Variants in POLQ observed in about 807,000 individuals in gnomAD.
POLQ encodes DNA polymerase theta, also known as epididymis secretory sperm binding protein.
A neutral mutation model predicts 259.2 loss-of-function variants in POLQ; 233 were observed. That is an observed-to-expected ratio of 0.90 (90% CI 0.81 to 1.00). The LOEUF is 1.00. Ranked by LOEUF, POLQ falls within the 50% of genes least tolerant of loss-of-function variation. The probability of loss-of-function intolerance (pLI) is 0.00; values close to 1 mark genes in which losing one functional copy is unlikely to be tolerated. For missense variants in POLQ, 2,871 were observed against 3,051.6 expected (o/e 0.94, Z 1.39); for synonymous variants, 1,025 against 1,048.8 (o/e 0.98, Z 0.44).
At chr3:121,463,216 G>A (rs902445807) in intron 24 of POLQ, among the ~76,000 whole-genome samples, 7 of 152,130 alleles carry the variant, frequency 4.6e-5, no homozygotes, top group Non-Finnish European at 1.0e-4. Flanking sequence ...TGTTCTCATG[G>A]TAGTGAGTCC....
chr3:121,539,508 T>C lies in POLQ; in HGVS notation c.556A>G (p.Ile186Val), dbSNP rs1363139577. The C allele has an allele frequency of 3.1e-6, 5 of 1,612,914 alleles. No individual in the cohort carries two copies. The Admixed American group carries it at 8.3e-5, about 27-fold the overall frequency. The change falls in exon 4 of 30, where the codon ATT (isoleucine) becomes GTT (valine). Residue 186 changes from isoleucine to valine, a missense_variant. Physicochemically the swap from Ile to Val is conservative, Grantham distance 29. This residue lies in a region of POLQ where 783 missense variants were observed against 906.2 expected (regional missense o/e 0.86). Transcript: ENST00000264233. ...GCTCTCTCAATTGTGCAGACTGCAA[T>C]ATCCAATGAAGAGAAATGCCTTGAT... Reference protein sequence around the residue: ...SPSRHFSSLDIAVCTIERANG... With the variant: ...SPSRHFSSLDVAVCTIERANG...
chr3:121,439,169 G>A (rs539670601), intron 27 of POLQ, among the ~76,000 whole-genome samples: 13 of 150,908 alleles, frequency 8.6e-5, no homozygotes, highest in South Asian at 2.1e-4. Flanking sequence ...TTTAAGTGCC[G>A]TTAAAAATAG....
chr3:121,491,357 A>G (rs1383243679), intron 15 of POLQ, among the ~76,000 whole-genome samples: 5 of 150,328 alleles, frequency 3.3e-5, no homozygotes, highest in Non-Finnish European at 5.9e-5. Flanking sequence ...AAAAAAAAAA[A>G]AAAAAAAAAA....
In POLQ at chr3:121,483,450, T is replaced by C; in HGVS notation, c.5906A>G (p.Gln1969Arg). 1 of 1,602,918 alleles carries C rather than the reference T, an allele frequency of 6.2e-7. No homozygotes were observed. The highest frequency in any genetic ancestry group is 1.7e-5 in the Admixed American group (1 of 57,392). Residue 1969 changes from glutamine to arginine, a missense_variant, in exon 18 of 30, where the codon CAG (glutamine) becomes CGG (arginine). Gln to Arg is a conservative substitution (Grantham distance 43). This residue lies in a region of POLQ where 2,080 missense variants were observed against 2,126.0 expected (regional missense o/e 0.98). Transcript: ENST00000264233. The part of the protein sequence containing the change: ...ECSVVIYDFI[Q>R]SYKILLLSCG... ...AGAAAGAAGAAGAATTTTATAGCTCTGGATGAAGTCATAGATGACAACAGA... is the reference window on the plus strand; with the variant it reads ...AGAAAGAAGAAGAATTTTATAGCTCCGGATGAAGTCATAGATGACAACAGA...
intron 7 of POLQ, among the ~76,000 whole-genome samples, chr3:121,523,877 A>C (rs1384960619): frequency 2.6e-5 from 4 of 152,182 alleles, no homozygotes; most frequent in Non-Finnish European, 4.4e-5. Flanking sequence ...ATTTTAAGGA[A>C]TCACAGAGAG....
chr3:121,545,654 C>G, intron 1 of POLQ, 61 bp downstream of exon 1: 1 of 1,475,826 alleles, frequency 6.8e-7, no homozygotes, highest in Non-Finnish European at 9.0e-7. Flanking sequence ...AGGACACCTC[C>G]CGACCCATGG....
At chr3:121,541,523 T>C (rs767353554) in intron 2 of POLQ, 44 bp from the exon 3 acceptor site, 1 of 1,509,232 alleles carries the variant, frequency 6.6e-7, no homozygotes, top group Non-Finnish European at 9.0e-7. Flanking sequence ...AAAAGTAATA[T>C]TCGGTACAAT....
At chr3:121,471,467 C>A (rs1425032244) in intron 22 of POLQ, among the ~76,000 whole-genome samples, 2 of 152,180 alleles carry the variant, frequency 1.3e-5, no homozygotes, top group Middle Eastern at 3.4e-3. Flanking sequence ...CCAGGCTGGG[C>A]GCAGTGGCTC....
chr3:121,522,529 T>C (rs2048345071), intron 7 of POLQ, among the ~76,000 whole-genome samples: 1 of 151,194 alleles, frequency 6.6e-6, no homozygotes, highest in South Asian at 2.1e-4. Context: ...GCCAGGATGG[T>C]CTCGATCTCC....
At chr3:121,518,803 C>T (rs1030751159) in intron 9 of POLQ, among the ~76,000 whole-genome samples, 1 of 151,344 alleles carries the variant, frequency 6.6e-6, no homozygotes, top group African/African-American at 2.4e-5. Flanking sequence ...TCAATTATGT[C>T]CTACAGTAGA....
chr3:121,536,935 T>C (rs2048455543), intron 5 of POLQ, among the ~76,000 whole-genome samples, 165 bp downstream of exon 5: 1 of 152,202 alleles, frequency 6.6e-6, no homozygotes. Context: ...TCAGCCACCA[T>C]GCCTGGACTG....
At chr3:121,500,372 T>A (rs13098567) in intron 12 of POLQ, among the ~76,000 whole-genome samples, 13,881 of 151,902 alleles carry the variant, frequency 0.091, 1,095 homozygotes, top group East Asian at 0.41. Context: ...ATAACACTCC[T>A]GCCTTGGCCT....
At chr3:121,454,071 A>G (rs556998311) in intron 25 of POLQ, among the ~76,000 whole-genome samples, 1 of 152,358 alleles carries the variant, frequency 6.6e-6, no homozygotes, top group South Asian at 2.1e-4. Context: ...AGTGGGGGCC[A>G]ATATTCAACA....
At chr3:121,513,951 G>A (rs1429099196) in intron 9 of POLQ, among the ~76,000 whole-genome samples, 1 of 147,398 alleles carries the variant, frequency 6.8e-6, no homozygotes, top group Non-Finnish European at 1.5e-5. Context: ...GAGCCCTGGA[G>A]GTGGAGGTTG....
rs527548503 is a variant in POLQ, at chr3:121,471,924, A to G, written c.6718+66T>C. On this transcript the variant is annotated intron_variant, in intron 22 of 29. Coordinates refer to ENST00000264233, the MANE Select transcript of POLQ (RefSeq NM_199420.4). ...CTTGAATTCTTGGCCATCATAAAAA[A>G]TATTACATATGAAAATGCTTTTCCT... 27 of 918,008 alleles carry G rather than the reference A, an allele frequency of 2.9e-5. No homozygotes were observed. In the South Asian group the frequency reaches 7.3e-4, roughly 25 times the overall value. The allele number at this position is 918,008 out of a possible 1,614,324, so 56.9% of individuals were successfully genotyped here.
At position 121,533,135 on chromosome 3, in the gene POLQ, T is replaced by G. The variant is rs2048424272; in HGVS notation, c.815A>C (p.Glu272Ala). ...VGMSATLPNL[E>A]LVASWLNAEL... ...AGCATTCAACCAGGAAGCCACAAGC[T>G]CCAAATTAGGAAGGGTAGCACTCAT... The change falls in exon 6 of 30, where the codon GAG (glutamate) becomes GCG (alanine). Residue 272 changes from glutamate to alanine, a missense_variant. Glu to Ala is a moderately radical substitution (Grantham distance 107). Transcript: ENST00000264233. 6.2e-7 allele frequency: 1 copy of G among 1,613,786 alleles called. No individual in the cohort carries two copies. Among genetic ancestry groups the G allele is most frequent in the African/African-American group, 1.3e-5 (1 of 74,842 alleles).
At chr3:121,535,591 C>T (rs1309649102) in intron 5 of POLQ, among the ~76,000 whole-genome samples, 1 of 151,484 alleles carries the variant, frequency 6.6e-6, no homozygotes, top group Non-Finnish European at 1.5e-5. Context: ...TGGCAGGCGC[C>T]TATAATCCCA....
At chr3:121,518,511 C>T (rs1233948271) in intron 9 of POLQ, among the ~76,000 whole-genome samples, 1 of 152,088 alleles carries the variant, frequency 6.6e-6, no homozygotes, top group African/African-American at 2.4e-5. Flanking sequence ...CCACAAAAGC[C>T]CCAGAGGTAT....
intron 12 of POLQ, among the ~76,000 whole-genome samples, chr3:121,504,899 G>T (rs1560102064): frequency 6.6e-6 from 1 of 152,162 alleles, no homozygotes; most frequent in African/African-American, 2.4e-5. Context: ...TGTTGGGAAG[G>T]GATGATTGTA....
Sources: allele counts gnomAD v4.1 joint callset (sites outside exome capture counted in the v4.1 genomes callset), GRCh38; gene constraint gnomAD v4.1.1; regional missense constraint gnomAD v4.1.1; transcripts MANE v1.5; gene names NCBI Gene and HGNC (gene_info 2026-07-23, HGNC 2026-07-21).